Variants in SIMC1 observed in about 807,000 individuals in gnomAD.
SIMC1 encodes SUMO interacting motifs containing 1.
In SIMC1, 55 loss-of-function variants were observed where a neutral mutation model predicts 82.3. The observed-to-expected ratio is 0.67, with a 90% CI of 0.54 to 0.84. SIMC1 has a LOEUF of 0.84. Ranked by LOEUF, SIMC1 falls within the 40% of genes least tolerant of loss-of-function variation. The pLI, the probability that SIMC1 is intolerant of heterozygous loss-of-function variation, is 0.00. For synonymous variants in SIMC1, 353 were observed against 426.3 expected (o/e 0.83, Z 2.12); for missense variants, 915 against 1,107.2 (o/e 0.83, Z 2.46).
At chr5:176,300,891 C>T (rs2113297294) in intron 4 of SIMC1, among the ~76,000 whole-genome samples, 1 of 152,190 alleles carries the variant, frequency 6.6e-6, no homozygotes, top group East Asian at 1.9e-4. Flanking sequence ...AAGATTGACT[C>T]ATGAAGAAAT....
intron 5 of SIMC1, among the ~76,000 whole-genome samples, chr5:176,314,609 A>G (rs1764818036): frequency 6.6e-6 from 1 of 152,184 alleles, no homozygotes; most frequent in Non-Finnish European, 1.5e-5. Context: ...GATAGTAAGC[A>G]TGTGTTCTTT....
intron 7 of SIMC1, among the ~76,000 whole-genome samples, chr5:176,328,009 A>G (rs1765467248): frequency 1.3e-5 from 2 of 152,150 alleles, no homozygotes; most frequent in Non-Finnish European, 2.9e-5. Flanking sequence ...GGATTTTTGC[A>G]TCAATGTTTA....
chr5:176,326,387 T>TTTTTTC (rs1227654270), intron 7 of SIMC1, among the ~76,000 whole-genome samples: 2 of 152,086 alleles, frequency 1.3e-5, no homozygotes, highest in African/African-American at 4.8e-5. Context: ...TTTCTGTTTT[T>TTTTTTC]TTTTTCTTTT....
rs1762627793 is a variant in SIMC1, at chr5:176,275,117, G to A, written c.130-14537G>A. ...TTCTTCCTACCCATGAGCATGGAAT[G>A]TTCTTCCATTTGTTTGTATCCTCTT... On this transcript the variant is annotated intron_variant, in intron 1 of 9. Coordinates refer to ENST00000429602, the MANE Select transcript of SIMC1 (RefSeq NM_001308195.2). Among the ~76,000 whole-genome samples, 3 of 151,680 alleles carry A rather than the reference G, an allele frequency of 2.0e-5. No individual in the cohort carries two copies. The East Asian group carries it at 5.8e-4, about 29-fold the overall frequency.
rs1464743293 is a variant in SIMC1 at position 176,337,103 on chromosome 5, G to C, written c.2370G>C (p.Glu790Asp). 6.2e-7 allele frequency: 1 copy of C among 1,614,030 alleles called. No individual in the cohort carries two copies. ...SQWQTWDELV[E>D]HLQFLLSSYQ... ...GGCAGACTTGGGACGAATTGGTTGA[G>C]CATCTGCAGTTTCTGCTGTCCAGTT... Residue 790 changes from glutamate to aspartate, a missense_variant, in exon 9 of 10, where the codon GAG (glutamate) becomes GAC (aspartate). Physicochemically the swap from Glu to Asp is conservative, Grantham distance 45. Around this residue, in one of 2 missense-constraint regions of SIMC1, gnomAD observed 902 missense variants for 1,040.3 expected, o/e 0.87. Coordinates refer to ENST00000429602, the MANE Select transcript of SIMC1 (RefSeq NM_001308195.2).
intron 1 of SIMC1, among the ~76,000 whole-genome samples, chr5:176,248,977 T>C (rs1298265185): frequency 6.6e-6 from 1 of 152,158 alleles, no homozygotes; most frequent in Non-Finnish European, 1.5e-5. Context: ...GATAAGCTTT[T>C]TGATGTGCTG....
intron 1 of SIMC1, among the ~76,000 whole-genome samples, chr5:176,265,681 C>G (rs1169650550): frequency 6.6e-6 from 1 of 152,104 alleles, no homozygotes; most frequent in African/African-American, 2.4e-5. Flanking sequence ...TGTTTCTCCT[C>G]CCTCTGGCAA....
chr5:176,338,116 T>C (rs1358015408), intron 9 of SIMC1, among the ~76,000 whole-genome samples: 1 of 152,220 alleles, frequency 6.6e-6, no homozygotes, highest in Non-Finnish European at 1.5e-5. Context: ...TGTAATGTTC[T>C]TGCCAAAAGT....
At chr5:176,328,925 A>T (rs1054757968) in intron 7 of SIMC1, among the ~76,000 whole-genome samples, 18 of 152,216 alleles carry the variant, frequency 1.2e-4, no homozygotes, top group African/African-American at 2.9e-4. Flanking sequence ...TTTTATTTTT[A>T]TTTTATTTTA....
intron 1 of SIMC1, among the ~76,000 whole-genome samples, chr5:176,258,511 A>C (rs1761918528): frequency 6.6e-6 from 1 of 150,690 alleles, no homozygotes; most frequent in Non-Finnish European, 1.5e-5. Context: ...GTCACAAAAT[A>C]TAATTCTATT....
At chr5:176,319,714 G>A (rs570856310) in intron 5 of SIMC1, among the ~76,000 whole-genome samples, 19 of 152,246 alleles carry the variant, frequency 1.2e-4, no homozygotes, top group African/African-American at 3.4e-4. Flanking sequence ...CTGGATCCAT[G>A]TCATCTCGTA....
intron 7 of SIMC1, among the ~76,000 whole-genome samples, chr5:176,328,934 T>A (rs914520636): frequency 2.6e-5 from 4 of 152,134 alleles, no homozygotes; most frequent in African/African-American, 7.2e-5. Flanking sequence ...TATTTTATTT[T>A]AAAAAATTGT....
At chr5:176,279,174 G>A (rs1010347539) in intron 1 of SIMC1, among the ~76,000 whole-genome samples, 2 of 152,064 alleles carry the variant, frequency 1.3e-5, no homozygotes, top group South Asian at 2.1e-4. Context: ...CTGGTTTAGT[G>A]TTGGGAGAGT....
At chr5:176,303,911 A>G (rs968624800) in intron 4 of SIMC1, among the ~76,000 whole-genome samples, 1 of 152,238 alleles carries the variant, frequency 6.6e-6, no homozygotes, top group African/African-American at 2.4e-5. Context: ...CTTAAAATGC[A>G]TTAAAGACCT....
Position 176,313,737 on chromosome 5 carries a change from A to G in SIMC1, c.1781A>G (p.Gln594Arg). Residue 594 changes from glutamine to arginine, a missense_variant, in exon 5 of 10, where the codon CAG becomes CGG. Coordinates refer to ENST00000429602, the MANE Select transcript of SIMC1 (RefSeq NM_001308195.2). ...GTCCTTTTCCTGCGTTATGTCGTTCAGACCCTAGAAGATGACTTTCAGCAG... is the reference window on the plus strand; with the variant it reads ...GTCCTTTTCCTGCGTTATGTCGTTCGGACCCTAGAAGATGACTTTCAGCAG... ...GRVLFLRYVV[Q>R]TLEDDFQQTL... 6.2e-7 allele frequency: 1 copy of G among 1,614,028 alleles called. No individual in the cohort carries two copies. The highest frequency in any genetic ancestry group is 8.5e-7 in the Non-Finnish European group (1 of 1,179,882).
rs1273418212 is a variant in SIMC1, at chr5:176,238,642, G to C, written c.129+5G>C. ...GCGCTGCCCCGCCGGACCGTGGTGA[G>C]TGAGCGTCGCCTCGTTTGGGGGCGC... is the stretch of plus-strand genomic sequence containing the variant. On this transcript the variant is annotated splice_donor_5th_base_variant and intron_variant, in intron 1 of 9. Coordinates refer to ENST00000429602, the MANE Select transcript of SIMC1 (RefSeq NM_001308195.2). 8.3e-7 allele frequency: 1 copy of C among 1,199,192 alleles called. No individual in the cohort carries two copies. Among genetic ancestry groups the C allele is most frequent in the Non-Finnish European group, 1.0e-6 (1 of 967,592 alleles). 74.3% of individuals were successfully genotyped at this position (1,199,192 alleles called of 1,614,324 possible).
intron 1 of SIMC1, among the ~76,000 whole-genome samples, chr5:176,285,019 C>G (rs970144587): frequency 6.6e-6 from 1 of 151,904 alleles, no homozygotes; most frequent in African/African-American, 2.4e-5. Context: ...TTCTAAAGTC[C>G]AGGACCAGAT....
chr5:176,338,326 G>A (rs1765991792), intron 9 of SIMC1, among the ~76,000 whole-genome samples: 1 of 152,118 alleles, frequency 6.6e-6, no homozygotes, highest in African/African-American at 2.4e-5. Context: ...ATCCTGAACA[G>A]GAGAAAAGAA....
At chr5:176,315,520 C>T (rs537389152) in intron 5 of SIMC1, among the ~76,000 whole-genome samples, 4 of 152,234 alleles carry the variant, frequency 2.6e-5, no homozygotes, top group East Asian at 1.9e-4. Flanking sequence ...GTTGAGCATC[C>T]GAACATCCCT....
Sources: allele counts gnomAD v4.1 joint callset (sites outside exome capture counted in the v4.1 genomes callset), GRCh38; gene constraint gnomAD v4.1.1; regional missense constraint gnomAD v4.1.1; transcripts MANE v1.5; gene names NCBI Gene and HGNC (gene_info 2026-07-23, HGNC 2026-07-21).